The following GSK3B variants were observed in gnomAD, a reference collection of about 807,000 sequenced individuals.
GSK3B encodes the protein glycogen synthase kinase 3 beta, also known as glycogen synthase kinase-3 beta.
Under a neutral mutation model 56.4 loss-of-function variants are expected in GSK3B, and 15 were observed. The observed-to-expected ratio is 0.27, with a 90% confidence interval of 0.18 to 0.41. The LOEUF is 0.41. Ranked by LOEUF, GSK3B falls within the 10% of genes least tolerant of loss-of-function variation. GSK3B has a pLI of 1.00. For synonymous variants in GSK3B, 181 were observed against 188.9 expected, an observed-to-expected ratio of 0.96 and a Z score of 0.34; for missense variants, 300 against 513.4, an observed-to-expected ratio of 0.58 and a Z score of 4.02.
chr3:120,029,730 C>A, intron 1 of GSK3B: 1 of 548,008 alleles, frequency 1.8e-6, no homozygotes, highest in South Asian at 1.4e-5. Flanking sequence ...TCATGCAGTG[C>A]ATCCTGGGGG....
At chr3:119,841,503 T>C (rs1428245229) in intron 10 of GSK3B, among the ~76,000 whole-genome samples, 1 of 152,202 alleles carries the variant, frequency 6.6e-6, no homozygotes, top group African/African-American at 2.4e-5. Context: ...TGGGCCAGTA[T>C]TAAATTTGTT....
At chr3:119,953,868 A>G (rs2057183720) in intron 2 of GSK3B, among the ~76,000 whole-genome samples, 1 of 152,160 alleles carries the variant, frequency 6.6e-6, no homozygotes, top group South Asian at 2.1e-4. Flanking sequence ...CTCTCCCTGC[A>G]GCACTTACAA....
chr3:119,998,663 A>G (rs1021642702), intron 2 of GSK3B, among the ~76,000 whole-genome samples: 1 of 152,164 alleles, frequency 6.6e-6, no homozygotes, highest in Non-Finnish European at 1.5e-5. Flanking sequence ...AATTAAAATA[A>G]TTTTTCAGGG....
intron 3 of GSK3B, among the ~76,000 whole-genome samples, chr3:119,935,562 G>A (rs1368699956): frequency 1.3e-5 from 2 of 152,038 alleles, no homozygotes; most frequent in Non-Finnish European, 2.9e-5. Context: ...CAAACTACTT[G>A]TATCTCCTCT....
At chr3:119,897,784 ACT>A (rs1182511089) in intron 7 of GSK3B, among the ~76,000 whole-genome samples, 1 of 139,504 alleles carries the variant, frequency 7.2e-6, no homozygotes, top group African/African-American at 2.9e-5. Context: ...ACAGAGCAAG[ACT>A]CTGTCTCAAA....
chr3:119,882,557 C>A (rs1452088750), intron 7 of GSK3B, among the ~76,000 whole-genome samples: 1 of 152,114 alleles, frequency 6.6e-6, no homozygotes, highest in Non-Finnish European at 1.5e-5. Flanking sequence ...AAATAAGTTG[C>A]AGGTATCAGT....
intron 10 of GSK3B, among the ~76,000 whole-genome samples, chr3:119,831,466 G>A (rs947422164): frequency 3.3e-5 from 5 of 152,054 alleles, no homozygotes; most frequent in Admixed American, 6.6e-5. Context: ...GACCATCCTG[G>A]CTAACACGGT....
intron 1 of GSK3B, among the ~76,000 whole-genome samples, chr3:120,083,657 A>G (rs2058440616): frequency 6.6e-6 from 1 of 152,228 alleles, no homozygotes; most frequent in South Asian, 2.1e-4. Context: ...CTACTTAGGT[A>G]TATACCCCAA....
At position 119,824,238 on chromosome 3, in the gene GSK3B, CA is replaced by C. The variant is rs1287132402; in HGVS notation, c.*2549del. On this transcript the variant is annotated 3_prime_UTR_variant, in exon 11 of 11. Transcript: ENST00000264235. ...AGGAGCTTTTTATTATTATTATATA[CA>C]AAAAGATATTCAGAGACCTGGATCT... 1 of 215,838 alleles carries C rather than the reference CA, an allele frequency of 4.6e-6. No individual in the cohort carries two copies. Among genetic ancestry groups the C allele is most frequent in the Non-Finnish European group, 9.3e-6 (1 of 107,108 alleles). The allele number at this position is 215,838 out of a possible 1,614,324, so 13.4% of individuals were successfully genotyped here. A position where few individuals can be genotyped will look rare whatever the true frequency, so the allele number is the denominator to read the frequency against.
chr3:119,873,932 C>T (rs2056277656), intron 8 of GSK3B, among the ~76,000 whole-genome samples: 1 of 152,018 alleles, frequency 6.6e-6, no homozygotes, highest in South Asian at 2.1e-4. Context: ...GATGGGAGAA[C>T]TGAGTCATTA....
intron 2 of GSK3B, among the ~76,000 whole-genome samples, chr3:119,996,347 TC>T (rs2057617709): frequency 6.6e-6 from 1 of 152,198 alleles, no homozygotes; most frequent in African/African-American, 2.4e-5. Context: ...AAGCAATAGA[TC>T]CCCACTTTCT....
intron 2 of GSK3B, among the ~76,000 whole-genome samples, chr3:119,972,460 G>C (rs2107516729): frequency 6.6e-6 from 1 of 152,296 alleles, no homozygotes; most frequent in South Asian, 2.1e-4. Flanking sequence ...TTTTGAGACG[G>C]AGTCTCGCTC....
chr3:119,966,013 A>T (rs2057315873), intron 2 of GSK3B, among the ~76,000 whole-genome samples: 1 of 152,214 alleles, frequency 6.6e-6, no homozygotes, highest in Admixed American at 6.5e-5. Flanking sequence ...CTATCATATA[A>T]ATCATGAACT....
chr3:120,043,784 C>T (rs185358249), intron 1 of GSK3B, among the ~76,000 whole-genome samples: 12 of 152,322 alleles, frequency 7.9e-5, no homozygotes, highest in Non-Finnish European at 1.0e-4. Flanking sequence ...AGCACTTTTA[C>T]GGCTTAAGAG....
intron 1 of GSK3B, chr3:120,029,249 ACAGCTG>A: frequency 1.4e-6 from 1 of 719,262 alleles, no homozygotes; most frequent in Non-Finnish European, 2.6e-6. Context: ...ACAGGTTATC[ACAGCTG>A]CAAATGAATG....
intron 9 of GSK3B, among the ~76,000 whole-genome samples, chr3:119,859,234 TA>T (rs2056066946): frequency 6.7e-6 from 1 of 148,844 alleles, no homozygotes. Context: ...TGAAGCTCAA[TA>T]AAACAATGTA....
rs150008876 is a variant in GSK3B at position 120,011,851 on chromosome 3, T to A, written c.89-9612A>T. Among the ~76,000 whole-genome samples, 40 of 152,342 alleles carry A rather than the reference T, an allele frequency of 2.6e-4. No individual in the cohort carries two copies. The East Asian group carries it at 7.7e-3, about 29-fold the overall frequency. The stretch of plus-strand genomic sequence containing the variant: ...ATCCCATTCATTGTTTCATCTACAT[T>A]AATACCTATAATAGATTAATTTATC... On this transcript the variant is annotated intron_variant, in intron 1 of 10. Coordinates refer to ENST00000264235, the MANE Select transcript of GSK3B (RefSeq NM_001146156.2).
chr3:120,050,629 C>T (rs956697056), intron 1 of GSK3B, among the ~76,000 whole-genome samples: 41 of 152,032 alleles, frequency 2.7e-4, no homozygotes, highest in African/African-American at 9.4e-4. Context: ...TGCCATTTAC[C>T]AAGATAGAGA....
At chr3:120,055,551 A>C (rs2058185231) in intron 1 of GSK3B, among the ~76,000 whole-genome samples, 1 of 152,204 alleles carries the variant, frequency 6.6e-6, no homozygotes, top group African/African-American at 2.4e-5. Flanking sequence ...AAAATCTTTA[A>C]GATTTTAGGG....
Sources: allele counts gnomAD v4.1 joint callset (sites outside exome capture counted in the v4.1 genomes callset), GRCh38; gene constraint gnomAD v4.1.1; transcripts MANE v1.5; gene names NCBI Gene and HGNC (gene_info 2026-07-23, HGNC 2026-07-21).